The following BBX variants were observed in gnomAD, a reference collection of about 807,000 sequenced individuals.
BBX encodes the protein HMG box transcription factor BBX.
In BBX, 30 loss-of-function variants were observed where a neutral mutation model predicts 100.2. The observed-to-expected ratio is 0.30, with a 90% CI of 0.22 to 0.41. The LOEUF (loss-of-function observed/expected upper bound fraction) is 0.41, where lower values mean the gene tolerates loss of function less well. Among genes scored for constraint, BBX ranks in the 10% least tolerant of loss-of-function variants. The pLI is 1.00. For missense variants in BBX, 1,023 were observed against 1,129.8 expected (o/e 0.91, Z 1.35); for synonymous variants, 376 against 388.1 (o/e 0.97, Z 0.37).
intron 9 of BBX, among the ~76,000 whole-genome samples, chr3:107,749,787 C>A (rs908116878): frequency 6.6e-5 from 10 of 152,094 alleles, no homozygotes; most frequent in South Asian, 4.1e-4. Context: ...GTGTCCACCA[C>A]CACGCCCGGC....
chr3:107,601,611 G>A (rs1049983622), intron 2 of BBX, among the ~76,000 whole-genome samples: 1 of 152,162 alleles, frequency 6.6e-6, no homozygotes, highest in Admixed American at 6.5e-5. Context: ...TCCTCTGAAG[G>A]CTGAGAGAGA....
intron 2 of BBX, among the ~76,000 whole-genome samples, chr3:107,633,303 G>A (rs1188876029): frequency 1.3e-5 from 2 of 151,974 alleles, no homozygotes; most frequent in East Asian, 3.9e-4. Context: ...TATAATAGTT[G>A]AATTATATTA....
chr3:107,639,725 C>A (rs772979935), intron 2 of BBX, among the ~76,000 whole-genome samples: 4 of 152,074 alleles, frequency 2.6e-5, no homozygotes, highest in Non-Finnish European at 5.9e-5. Flanking sequence ...CAGCAAAAAT[C>A]TTATGGCAAT....
intron 8 of BBX, 21 bp downstream of exon 8, chr3:107,744,731 C>A (rs759983490): frequency 6.3e-6 from 10 of 1,587,426 alleles, no homozygotes; most frequent in Admixed American, 5.0e-5. Context: ...ACAATTGATA[C>A]TTAACTAATG....
At chr3:107,790,837 T>C (rs1256544278) in intron 14 of BBX, among the ~76,000 whole-genome samples, 2 of 152,192 alleles carry the variant, frequency 1.3e-5, no homozygotes, top group Admixed American at 1.3e-4. Flanking sequence ...TTTACTTACT[T>C]TGGGCCTTCT....
At chr3:107,634,145 C>T (rs2056718328) in intron 2 of BBX, among the ~76,000 whole-genome samples, 1 of 152,172 alleles carries the variant, frequency 6.6e-6, no homozygotes, top group Non-Finnish European at 1.5e-5. Context: ...TGATACCTTT[C>T]AGTTATATAA....
intron 2 of BBX, among the ~76,000 whole-genome samples, chr3:107,595,620 T>C (rs1358352528): frequency 6.6e-6 from 1 of 152,182 alleles, no homozygotes; most frequent in African/African-American, 2.4e-5. Flanking sequence ...GAGATTAAAA[T>C]TGTATTAGGC....
At chr3:107,559,635 T>C (rs1413889800) in intron 2 of BBX, among the ~76,000 whole-genome samples, 1 of 152,170 alleles carries the variant, frequency 6.6e-6, no homozygotes, top group African/African-American at 2.4e-5. Flanking sequence ...GATATGTAGA[T>C]TTAGAGAACT....
chr3:107,527,779 G>A (rs2107287272), intron 2 of BBX, among the ~76,000 whole-genome samples: 1 of 152,268 alleles, frequency 6.6e-6, no homozygotes, highest in Middle Eastern at 3.4e-3. Flanking sequence ...GTTGAATTTA[G>A]TGCACACTAA....
chr3:107,779,718 A>G (rs2067678181), intron 13 of BBX, among the ~76,000 whole-genome samples: 4 of 152,164 alleles, frequency 2.6e-5, no homozygotes, highest in Admixed American at 2.6e-4. Flanking sequence ...TATTTAAGAT[A>G]TATAGATGAG....
At chr3:107,607,538 G>C (rs2054541661) in intron 2 of BBX, among the ~76,000 whole-genome samples, 1 of 152,144 alleles carries the variant, frequency 6.6e-6, no homozygotes, top group Admixed American at 6.6e-5. Flanking sequence ...GTGTCTATTT[G>C]ACATATTGAT....
At chr3:107,594,900 C>A (rs551861) in intron 2 of BBX, among the ~76,000 whole-genome samples, 101,939 of 152,052 alleles carry the variant, frequency 0.67, 34,583 homozygotes, top group East Asian at 0.97. Flanking sequence ...AAAGATGAGG[C>A]AATTGAGGCT....
intron 1 of BBX, 88 bp downstream of exon 1, chr3:107,523,195 C>T (rs543169394): frequency 9.6e-6 from 2 of 208,246 alleles, no homozygotes; most frequent in Admixed American, 6.0e-5. Flanking sequence ...GGGCTGCAGC[C>T]CCAAGGACTC....
intron 2 of BBX, among the ~76,000 whole-genome samples, chr3:107,546,739 A>G (rs968082618): frequency 6.6e-6 from 1 of 152,200 alleles, no homozygotes; most frequent in Non-Finnish European, 1.5e-5. Flanking sequence ...TGTGAATTAG[A>G]TATTTGATCA....
intron 2 of BBX, among the ~76,000 whole-genome samples, chr3:107,597,568 A>G (rs1453695148): frequency 6.6e-6 from 1 of 152,178 alleles, no homozygotes; most frequent in Non-Finnish European, 1.5e-5. Flanking sequence ...TTTTAAATAT[A>G]TACACTCTGG....
intron 3 of BBX, among the ~76,000 whole-genome samples, chr3:107,696,210 T>C (rs2060585196): frequency 6.6e-6 from 1 of 151,826 alleles, no homozygotes; most frequent in Non-Finnish European, 1.5e-5. Flanking sequence ...AAAGTTAATA[T>C]TGTTATGTGT....
At chr3:107,593,330 G>A (rs1169775176) in intron 2 of BBX, among the ~76,000 whole-genome samples, 4 of 152,126 alleles carry the variant, frequency 2.6e-5, no homozygotes, top group Non-Finnish European at 5.9e-5. Flanking sequence ...TCAACCCAAG[G>A]GAGGCTTCCT....
chr3:107,663,488 T>C (rs918443242), intron 3 of BBX, among the ~76,000 whole-genome samples: 8 of 152,282 alleles, frequency 5.3e-5, no homozygotes, highest in African/African-American at 1.4e-4. Context: ...CCAGATTCCA[T>C]TGCCTCTCTT....
intron 2 of BBX, among the ~76,000 whole-genome samples, chr3:107,637,841 A>G (rs1193548030): frequency 1.3e-5 from 2 of 152,078 alleles, no homozygotes; most frequent in Non-Finnish European, 1.5e-5. Context: ...GACTCTAAGG[A>G]AAGTTTCTTG....
Sources: gnomAD v4.1 joint callset for allele counts (sites outside exome capture counted in the v4.1 genomes callset) on GRCh38, gnomAD v4.1.1 for gene constraint, MANE v1.5 for transcripts, NCBI Gene and HGNC (gene_info 2026-07-23, HGNC 2026-07-21) for gene names.